Variants in DOCK8 observed in about 807,000 individuals in gnomAD.
DOCK8 encodes the protein dedicator of cytokinesis 8.
DOCK8 carries 141 observed loss-of-function variants against 245.6 expected under a neutral mutation model. The ratio of observed to expected loss-of-function variants is 0.57; its 90% CI spans 0.50 to 0.66. The LOEUF (loss-of-function observed/expected upper bound fraction) is 0.66. Among genes scored for constraint, DOCK8 ranks in the 30% least tolerant of loss-of-function variants. The pLI, the probability that DOCK8 is intolerant of heterozygous loss-of-function variation, is 0.00. For synonymous variants in DOCK8, 1,168 were observed against 970.2 expected (o/e 1.20, Z -3.79); for missense variants, 2,965 against 2,603.4 (o/e 1.14, Z -3.02).
chr9:382,365 C>G, intron 21 of DOCK8, 148 bp from the exon 22 acceptor site: 3 of 1,122,374 alleles, frequency 2.7e-6, no homozygotes, highest in Non-Finnish European at 4.0e-6. Context: ...TGCCTCCTAC[C>G]CCAACCAGGA....
intron 2 of DOCK8, among the ~76,000 whole-genome samples, chr9:275,236 A>G (rs2048297451): frequency 6.6e-6 from 1 of 152,240 alleles, no homozygotes; most frequent in East Asian, 1.9e-4. Flanking sequence ...CTATGGAGAC[A>G]CTGTGGGAGA....
intron 24 of DOCK8, among the ~76,000 whole-genome samples, chr9:392,119 A>G (rs2054222351): frequency 6.6e-6 from 1 of 151,648 alleles, no homozygotes; most frequent in South Asian, 2.1e-4. Flanking sequence ...GCCTGGGCAA[A>G]AAGAGCAAAA....
At chr9:241,157 ATATAAT>A (rs935873555) in intron 1 of DOCK8, among the ~76,000 whole-genome samples, 2 of 152,322 alleles carry the variant, frequency 1.3e-5, no homozygotes, top group Non-Finnish European at 2.9e-5. Flanking sequence ...GTTTTGGTAC[ATATAAT>A]TATAGTGATC....
intron 4 of DOCK8, among the ~76,000 whole-genome samples, chr9:302,627 C>G (rs1035277396): frequency 6.6e-6 from 1 of 152,118 alleles, no homozygotes; most frequent in African/African-American, 2.4e-5. Context: ...TATCCAGAAT[C>G]TATAAGGAAC....
chr9:423,582 G>A (rs1277853692), intron 33 of DOCK8, among the ~76,000 whole-genome samples: 2 of 152,102 alleles, frequency 1.3e-5, no homozygotes, highest in Admixed American at 6.5e-5. Context: ...ATGGGACTTT[G>A]GGGAGTCACA....
At position 400,602 on chromosome 9, in the gene DOCK8, TCAC is replaced by T. The variant is rs1217734193; in HGVS notation, c.3234+1354_3234+1356del. 2.6e-3 allele frequency among the ~76,000 whole-genome samples: 15 copies of T among 5,800 alleles called. No individual in the cohort carries two copies. The East Asian group carries it at 0.031, about 12-fold the overall frequency. The allele number at this position is 5,800 out of a possible 152,430, so 3.8% of individuals were successfully genotyped here. A position where few individuals can be genotyped will look rare whatever the true frequency, so the allele number is the denominator to read the frequency against. ...TCCACCATCACCACCACCTCCACCA[TCAC>T]CACCACCACCTCCACCACCATCACC... On this transcript the variant is annotated intron_variant, in intron 26 of 47. Transcript: ENST00000432829.
At chr9:459,259 T>C (rs1006499157) in intron 46 of DOCK8, among the ~76,000 whole-genome samples, 2 of 152,186 alleles carry the variant, frequency 1.3e-5, no homozygotes, top group African/African-American at 4.8e-5. Context: ...TAGTAGAAAT[T>C]ATTTCAATTT....
At chr9:325,324 A>G (rs1157147801) in intron 7 of DOCK8, among the ~76,000 whole-genome samples, 1 of 152,170 alleles carries the variant, frequency 6.6e-6, no homozygotes, top group Non-Finnish European at 1.5e-5. Context: ...CCTCAGACAG[A>G]AAGTCTACCC....
Position 248,524 on chromosome 9 carries a change from C to CCT in DOCK8, c.54-23094_54-23093dup, listed in dbSNP as rs760729221. ...CCTTGCCTCCTTCCATCCTTCCCTC[C>CCT]CTCTCTCTCTTTCTTTCTTTCTTTC... On this transcript the variant is annotated intron_variant, in intron 1 of 47. Transcript: ENST00000432829. Among the ~76,000 whole-genome samples, 108 of 149,832 alleles carry CCT rather than the reference C, an allele frequency of 7.2e-4. 1 individual carries two copies. The Middle Eastern group carries it at 0.01, about 14-fold the overall frequency.
At chr9:241,690 C>T (rs11790302) in intron 1 of DOCK8, among the ~76,000 whole-genome samples, 2,733 of 152,248 alleles carry the variant, frequency 0.018, 45 homozygotes, top group South Asian at 0.052. Context: ...AACATGGGGG[C>T]GCAGATGTCT....
Position 291,864 on chromosome 9 carries a change from C to A in DOCK8, c.404+2283C>A, listed in dbSNP as rs944607265. ...GGAGGATCCCTTGAACCCAGGAGTT[C>A]AAGACCAGCCTAGGCAATATACAGA... is the stretch of plus-strand genomic sequence containing the variant. On this transcript the variant is annotated intron_variant, in intron 4 of 47. Transcript: ENST00000432829. Among the ~76,000 whole-genome samples the A allele has an allele frequency of 2.0e-5, 3 of 151,082 alleles. No homozygotes were observed. In the Admixed American group the frequency reaches 2.0e-4, roughly 10 times the overall value.
chr9:317,528 C>T (rs760672499), intron 7 of DOCK8, among the ~76,000 whole-genome samples: 11 of 152,192 alleles, frequency 7.2e-5, no homozygotes, highest in Non-Finnish European at 1.2e-4. Flanking sequence ...TTGGCCATGG[C>T]GAAAGTATTT....
rs946331171 is a variant in DOCK8 at position 463,523 on chromosome 9, T to C, written c.6075T>C (p.Gly2025=). The C allele has an allele frequency of 6.2e-7, 1 of 1,614,156 alleles. No individual in the cohort carries two copies. ...ACTGATATTTTCATCTCAGATGTGG[T>C]GAAGCTGTAGAGAAAAACAAGCGTC... ...LCFKEFIMRC[G]EAVEKNKRLI... The change falls in exon 47 of 48, where the codon GGT becomes GGC. Residue 2025 remains glycine, a synonymous_variant. Transcript: ENST00000432829.
At chr9:225,744 A>T (rs2046975630) in intron 1 of DOCK8, among the ~76,000 whole-genome samples, 1 of 152,188 alleles carries the variant, frequency 6.6e-6, no homozygotes, top group South Asian at 2.1e-4. Context: ...AGATAAAATA[A>T]GTGTGATACA....
At chr9:348,632 C>T (rs578024848) in intron 14 of DOCK8, among the ~76,000 whole-genome samples, 1 of 152,304 alleles carries the variant, frequency 6.6e-6, no homozygotes, top group South Asian at 2.1e-4. Context: ...TTGCATTTGA[C>T]TCTGATCTTG....
At chr9:264,185 T>C (rs940170712) in intron 1 of DOCK8, among the ~76,000 whole-genome samples, 34 of 152,372 alleles carry the variant, frequency 2.2e-4, no homozygotes, top group African/African-American at 8.2e-4. Flanking sequence ...CATCAGCAGA[T>C]GGTGATTATA....
chr9:286,978 C>T (rs1174297957), intron 3 of DOCK8, among the ~76,000 whole-genome samples: 1 of 152,156 alleles, frequency 6.6e-6, no homozygotes, highest in Non-Finnish European at 1.5e-5. Context: ...CCCAAATCCT[C>T]GGTTTCTCCA....
intron 4 of DOCK8, among the ~76,000 whole-genome samples, chr9:297,697 CT>C (rs1020955479): frequency 1.3e-5 from 2 of 152,140 alleles, no homozygotes; most frequent in Admixed American, 1.3e-4. Context: ...AATGAGTCAT[CT>C]TTACATGTTT....
At chr9:285,378 C>G (rs532668104) in intron 2 of DOCK8, among the ~76,000 whole-genome samples, 2 of 152,104 alleles carry the variant, frequency 1.3e-5, no homozygotes, top group East Asian at 3.9e-4. Context: ...GCCCTTGTCT[C>G]CCATCAAGGC....
Sources: allele counts gnomAD v4.1 joint callset (sites outside exome capture counted in the v4.1 genomes callset), GRCh38; gene constraint gnomAD v4.1.1; transcripts MANE v1.5; gene names NCBI Gene and HGNC (gene_info 2026-07-23, HGNC 2026-07-21).